Variants in PAICS observed in about 807,000 individuals in gnomAD.
The protein encoded by PAICS is phosphoribosylaminoimidazole carboxylase and phosphoribosylaminoimidazolesuccinocarboxamide synthase.
PAICS carries 33 observed loss-of-function variants against 53.7 expected under a neutral mutation model. The ratio of observed to expected loss-of-function variants is 0.61; its 90% CI spans 0.47 to 0.82. PAICS has a LOEUF of 0.82. PAICS is among the 40% of genes least tolerant of loss of function. PAICS has a pLI of 0.00. For synonymous variants in PAICS, 141 were observed against 167.2 expected (o/e 0.84, Z 1.21); for missense variants, 394 against 494.1 (o/e 0.80, Z 1.92).
chr4:56,456,709 T>G (rs1719225724), intron 8 of PAICS, among the ~76,000 whole-genome samples: 1 of 151,166 alleles, frequency 6.6e-6, no homozygotes, highest in African/African-American at 2.4e-5. Flanking sequence ...CTCTGGGGTT[T>G]TTTTTTTTTT....
chr4:56,455,369 G>A (rs1324372536), intron 8 of PAICS, among the ~76,000 whole-genome samples: 4 of 152,156 alleles, frequency 2.6e-5, no homozygotes, highest in African/African-American at 9.7e-5. Flanking sequence ...GTCTTGATAT[G>A]TGTCAAGTAT....
chr4:56,419,879 G>C, the PAICS span: 2 of 984,680 alleles, frequency 2.0e-6, no homozygotes, highest in Middle Eastern at 1.0e-3. Context: ...ACGAATACAA[G>C]ATCGTAAGAA....
At chr4:56,419,401 A>G in the PAICS span, among the ~76,000 whole-genome samples, 12 of 152,208 alleles carry the variant, frequency 7.9e-5, no homozygotes, top group African/African-American at 2.9e-4. Flanking sequence ...TGACTAAAAA[A>G]ACACAACTTT....
intron 1 of PAICS, chr4:56,436,663 G>GACCTTTCTAAGAAGGTTAATA: frequency 1.7e-6 from 1 of 582,682 alleles, no homozygotes; most frequent in South Asian, 1.5e-5. Flanking sequence ...TTAGGTTAAT[G>GACCTTTCTAAGAAGGTTAATA]ACCTTTCTAA....
At chr4:56,432,890 A>C (rs892323254), upstream of PAICS, among the ~76,000 whole-genome samples, 1 of 151,642 alleles carries the variant, frequency 6.6e-6, no homozygotes, top group Admixed American at 6.6e-5. Flanking sequence ...TTTAAAACTA[A>C]CCAGTGAGTG....
rs1718359188 is a variant in PAICS at position 56,441,816 on chromosome 4, C to G, written c.170C>G (p.Ser57Ter). 6.3e-7 allele frequency: 1 copy of G among 1,599,140 alleles called. No individual in the cohort carries two copies. Among genetic ancestry groups the G allele is most frequent in the Non-Finnish European group, 8.5e-7 (1 of 1,172,394 alleles). ...KNHLEGKAAI[S>*]NKITSCIFQL... ...CACCTGGAAGGAAAAGCTGCAATCT[C>G]AAATAAAATCACCAGTTGTATTTTT... The change falls in exon 2 of 9, where the codon TCA becomes TGA. Residue 57 changes from serine (S) to a stop codon, truncating the protein, a stop_gained. Coordinates refer to ENST00000512576, the MANE Select transcript of PAICS (RefSeq NM_001079524.2). LOFTEE classifies it high-confidence loss of function.
At chr4:56,445,202 G>A (rs1718549305) in intron 2 of PAICS, among the ~76,000 whole-genome samples, 2 of 152,120 alleles carry the variant, frequency 1.3e-5, no homozygotes, top group African/African-American at 4.8e-5. Context: ...TGGACAGTGC[G>A]TTTCAAGTCC....
intron 7 of PAICS, 124 bp from the exon 8 acceptor site, chr4:56,453,479 A>G: frequency 1.9e-6 from 1 of 539,274 alleles, no homozygotes; most frequent in Non-Finnish European, 3.3e-6. Flanking sequence ...GTTTTTTCAG[A>G]GAAGACTATT....
At chr4:56,426,391 G>A in the PAICS span, among the ~76,000 whole-genome samples, 2 of 151,158 alleles carry the variant, frequency 1.3e-5, no homozygotes, top group African/African-American at 4.9e-5. Flanking sequence ...GACTGAGCAA[G>A]ACTCTGTCTC....
At chr4:56,445,406 A>T (rs1718562013) in intron 2 of PAICS, among the ~76,000 whole-genome samples, 1 of 151,956 alleles carries the variant, frequency 6.6e-6, no homozygotes. Flanking sequence ...GACCAACATG[A>T]TGAAACCCTG....
chr4:56,417,408 T>G, the PAICS span, among the ~76,000 whole-genome samples: 7 of 152,036 alleles, frequency 4.6e-5, no homozygotes, highest in African/African-American at 1.7e-4. Flanking sequence ...CTGACAAAAG[T>G]TATTAATTGT....
the PAICS span, among the ~76,000 whole-genome samples, chr4:56,411,276 CTGA>C: frequency 1.3e-5 from 2 of 152,184 alleles, no homozygotes; most frequent in Non-Finnish European, 2.9e-5. Context: ...CATTGCTCAA[CTGA>C]TGTTTTTCCA....
the PAICS span, chr4:56,422,746 G>A: frequency 6.6e-6 from 1 of 152,006 alleles, no homozygotes; most frequent in African/African-American, 2.4e-5. Flanking sequence ...AAGAAATTAT[G>A]TTATAACATT....
At chr4:56,419,730 T>C in the PAICS span, 14 of 983,058 alleles carry the variant, frequency 1.4e-5, no homozygotes, top group Non-Finnish European at 1.6e-5. Flanking sequence ...AGACATCTGG[T>C]CTGATAAAAG....
upstream of PAICS, among the ~76,000 whole-genome samples, chr4:56,434,291 G>A (rs1187221078): frequency 6.6e-6 from 1 of 152,186 alleles, no homozygotes; most frequent in Non-Finnish European, 1.5e-5. Context: ...TAAGTTTGGT[G>A]GAGGAAAAGC....
the PAICS span, among the ~76,000 whole-genome samples, chr4:56,428,124 C>A: frequency 6.6e-6 from 1 of 152,140 alleles, no homozygotes. Context: ...TTTCTTTTGA[C>A]TCATATTGAA....
upstream of PAICS, among the ~76,000 whole-genome samples, chr4:56,432,033 T>A (rs1717611422): frequency 6.6e-6 from 1 of 152,218 alleles, no homozygotes; most frequent in Non-Finnish European, 1.5e-5. Context: ...GATGAACCCA[T>A]CTGGGTTAAA....
chr4:56,412,470 T>C, the PAICS span, among the ~76,000 whole-genome samples: 104,406 of 151,906 alleles, frequency 0.69, 35,992 homozygotes, highest in Admixed American at 0.76. Flanking sequence ...CCACCATGCC[T>C]GGCTAATTTT....
At chr4:56,418,481 G>A in the PAICS span, among the ~76,000 whole-genome samples, 1 of 151,936 alleles carries the variant, frequency 6.6e-6, no homozygotes, top group African/African-American at 2.4e-5. Flanking sequence ...CACCAAGCCT[G>A]GCTAATTTTT....
Sources: allele counts gnomAD v4.1 joint callset (sites outside exome capture counted in the v4.1 genomes callset), GRCh38; gene constraint gnomAD v4.1.1; transcripts MANE v1.5; gene names NCBI Gene and HGNC (gene_info 2026-07-23, HGNC 2026-07-21).